The following CNTN1 variants were observed in gnomAD, a reference collection of about 807,000 sequenced individuals.
CNTN1 encodes contactin-1.
CNTN1 carries 38 observed loss-of-function variants against 126.4 expected under a neutral mutation model. The ratio of observed to expected loss-of-function variants is 0.30; its 90% CI spans 0.23 to 0.39. CNTN1 has a LOEUF of 0.39. CNTN1 is among the 10% of genes least tolerant of loss of function. The pLI is 1.00. For missense variants in CNTN1, 1,009 were observed against 1,248.4 expected, an observed-to-expected ratio of 0.81 and a Z score of 2.89; for synonymous variants, 413 against 422.6, an observed-to-expected ratio of 0.98 and a Z score of 0.28.
intron 1 of CNTN1, among the ~76,000 whole-genome samples, chr12:40,769,306 G>T (rs1260595815): frequency 6.6e-6 from 1 of 151,990 alleles, no homozygotes; most frequent in Non-Finnish European, 1.5e-5. Flanking sequence ...TTTATTAGTG[G>T]GAGGGGAAGA....
intron 1 of CNTN1, among the ~76,000 whole-genome samples, chr12:40,737,525 G>C (rs1345123321): frequency 6.6e-6 from 1 of 151,726 alleles, no homozygotes; most frequent in Non-Finnish European, 1.5e-5. Flanking sequence ...TTCAGCATGG[G>C]AGAAAGACGT....
intron 1 of CNTN1, among the ~76,000 whole-genome samples, chr12:40,707,728 A>G (rs1565627525): frequency 6.6e-6 from 1 of 152,176 alleles, no homozygotes; most frequent in Non-Finnish European, 1.5e-5. Flanking sequence ...TTGTCTCTAA[A>G]GGAAGTGTTT....
intron 1 of CNTN1, among the ~76,000 whole-genome samples, chr12:40,800,143 G>T (rs528898055): frequency 3.3e-5 from 5 of 152,016 alleles, no homozygotes; most frequent in African/African-American, 9.6e-5. Context: ...TGGATCATGG[G>T]GGTGGTTTTC....
At chr12:40,706,750 T>C (rs1185799842) in intron 1 of CNTN1, among the ~76,000 whole-genome samples, 2 of 152,252 alleles carry the variant, frequency 1.3e-5, no homozygotes, top group East Asian at 3.8e-4. Context: ...TTGGTAGATA[T>C]GATCATGATA....
rs564102732 is a variant in CNTN1 at position 40,720,411 on chromosome 12, T to G, written c.-77+27819T>G. ...ATAAGTAACACTCATCTCAAAGGGG[T>G]GTGTGTGTGTGTGTGTATGTGTACA... is the stretch of plus-strand genomic sequence containing the variant. On this transcript the variant is annotated intron_variant, in intron 1 of 23. Coordinates refer to ENST00000551295, the MANE Select transcript of CNTN1 (RefSeq NM_001843.4). Among the ~76,000 whole-genome samples the G allele has an allele frequency of 8.0e-5, 12 of 149,414 alleles. No homozygotes were observed. The East Asian group carries it at 2.4e-3, about 30-fold the overall frequency.
intron 3 of CNTN1, among the ~76,000 whole-genome samples, chr12:40,913,272 T>A (rs1327615076): frequency 1.3e-5 from 2 of 152,226 alleles, no homozygotes; most frequent in African/African-American, 4.8e-5. Context: ...GTTTAAAGGC[T>A]AAGCCCATCT....
chr12:40,858,822 T>C (rs1943012691), intron 1 of CNTN1, among the ~76,000 whole-genome samples: 1 of 152,096 alleles, frequency 6.6e-6, no homozygotes, highest in African/African-American at 2.4e-5. Flanking sequence ...ATCATGTCCT[T>C]TGCGGGGACA....
intron 23 of CNTN1, among the ~76,000 whole-genome samples, chr12:41,064,709 C>T (rs1204888109): frequency 1.3e-5 from 2 of 151,988 alleles, no homozygotes; most frequent in South Asian, 4.1e-4. Flanking sequence ...CCCCCTTTCA[C>T]CCAGTTCAAT....
intron 15 of CNTN1, chr12:40,971,362 C>A: frequency 7.6e-7 from 1 of 1,323,506 alleles, no homozygotes; most frequent in East Asian, 2.4e-5. Flanking sequence ...GGCAAATCCC[C>A]CAAGTGCATG....
intron 1 of CNTN1, among the ~76,000 whole-genome samples, chr12:40,759,530 C>T (rs1938756357): frequency 6.7e-6 from 1 of 150,198 alleles, no homozygotes; most frequent in South Asian, 2.1e-4. Context: ...CGGTGAAATG[C>T]TTATGGCACA....
chr12:40,775,332 T>C (rs1244262827), intron 1 of CNTN1, among the ~76,000 whole-genome samples: 1 of 151,486 alleles, frequency 6.6e-6, no homozygotes, highest in African/African-American at 2.4e-5. Context: ...TAATGTAATG[T>C]ATATTTCCTT....
intron 1 of CNTN1, among the ~76,000 whole-genome samples, chr12:40,820,446 C>T (rs1433168088): frequency 6.6e-6 from 1 of 152,124 alleles, no homozygotes; most frequent in East Asian, 1.9e-4. Context: ...GTCCAGAATA[C>T]AGTTGTGTAG....
At chr12:40,924,098 G>A (rs1340249133) in intron 5 of CNTN1, among the ~76,000 whole-genome samples, 1 of 152,064 alleles carries the variant, frequency 6.6e-6, no homozygotes, top group Admixed American at 6.6e-5. Context: ...TGAGGGTCCT[G>A]CCTTTCACCC....
chr12:40,933,956 A>G, intron 9 of CNTN1, 78 bp downstream of exon 9: 1 of 1,080,368 alleles, frequency 9.3e-7, no homozygotes, highest in Admixed American at 1.9e-5. Context: ...AAAAACTACT[A>G]TATAATGATT....
At chr12:40,838,462 T>C (rs1381912303) in intron 1 of CNTN1, among the ~76,000 whole-genome samples, 1 of 152,196 alleles carries the variant, frequency 6.6e-6, no homozygotes, top group Non-Finnish European at 1.5e-5. Context: ...GCAAGACATC[T>C]GGAGTTTCAA....
At chr12:41,046,413 G>A (rs1326515200) in intron 23 of CNTN1, among the ~76,000 whole-genome samples, 1 of 151,998 alleles carries the variant, frequency 6.6e-6, no homozygotes, top group Non-Finnish European at 1.5e-5. Context: ...AGCTGTTGAA[G>A]TATTACTTCA....
intron 1 of CNTN1, among the ~76,000 whole-genome samples, chr12:40,766,643 T>A (rs150465765): frequency 6.6e-6 from 1 of 152,314 alleles, no homozygotes; most frequent in Non-Finnish European, 1.5e-5. Context: ...GGTGTTTCCC[T>A]GTGGAATTGT....
intron 1 of CNTN1, among the ~76,000 whole-genome samples, chr12:40,870,779 G>A (rs562810867): frequency 5.3e-5 from 8 of 151,884 alleles, no homozygotes; most frequent in South Asian, 4.2e-4. Context: ...CAAACACACC[G>A]TCACACACAA....
chr12:41,034,795 T>G (rs1267997400), intron 23 of CNTN1, among the ~76,000 whole-genome samples: 2 of 152,216 alleles, frequency 1.3e-5, no homozygotes, highest in Admixed American at 6.5e-5. Flanking sequence ...TAAATGTACT[T>G]AGCACTCCCA....
Sources: gnomAD v4.1 joint callset for allele counts (sites outside exome capture counted in the v4.1 genomes callset) on GRCh38, gnomAD v4.1.1 for gene constraint, MANE v1.5 for transcripts, NCBI Gene and HGNC (gene_info 2026-07-23, HGNC 2026-07-21) for gene names.